The following PTCHD4 variants were observed in gnomAD, a reference collection of about 807,000 sequenced individuals.
The protein encoded by PTCHD4 is patched domain containing 4.
Under a neutral mutation model 58.1 loss-of-function variants are expected in PTCHD4, and 33 were observed. The ratio of observed to expected loss-of-function variants is 0.57; its 90% CI spans 0.43 to 0.76. The LOEUF (loss-of-function observed/expected upper bound fraction) is 0.76. Among genes scored for constraint, PTCHD4 ranks in the 30% least tolerant of loss-of-function variants. The pLI, the probability that PTCHD4 is intolerant of heterozygous loss-of-function variation, is 0.00. For synonymous variants in PTCHD4, 478 were observed against 409.6 expected (o/e 1.17, Z -2.02); for missense variants, 1,058 against 1,027.1 (o/e 1.03, Z -0.41).
intron 3 of PTCHD4, among the ~76,000 whole-genome samples, chr6:48,060,744 G>A (rs1297962994): frequency 2.0e-5 from 3 of 152,172 alleles, no homozygotes. Flanking sequence ...CAAAGTGTTG[G>A]GATTGCAGGC....
At chr6:47,964,786 G>C (rs1283377320) in intron 4 of PTCHD4, among the ~76,000 whole-genome samples, 1 of 152,104 alleles carries the variant, frequency 6.6e-6, no homozygotes, top group Non-Finnish European at 1.5e-5. Flanking sequence ...CAGTGTATTT[G>C]CTTGCTTGAG....
chr6:48,102,025 A>G (rs953094068), intron 1 of PTCHD4, among the ~76,000 whole-genome samples: 3 of 152,198 alleles, frequency 2.0e-5, no homozygotes, highest in African/African-American at 7.2e-5. Flanking sequence ...CAAAACCACT[A>G]CAGCCTGCTG....
chr6:47,968,598 C>A (rs1767384030), intron 4 of PTCHD4, among the ~76,000 whole-genome samples: 1 of 152,146 alleles, frequency 6.6e-6, no homozygotes, highest in Non-Finnish European at 1.5e-5. Context: ...CACTCTCTAG[C>A]CTAATGAACT....
chr6:48,021,504 G>A (rs1347092631), intron 3 of PTCHD4, among the ~76,000 whole-genome samples: 1 of 151,918 alleles, frequency 6.6e-6, no homozygotes, highest in Non-Finnish European at 1.5e-5. Context: ...TCATACATTT[G>A]TTTTCTTTAA....
Position 48,064,798 on chromosome 6 carries a change from G to A in PTCHD4, c.417+3432C>T, listed in dbSNP as rs760230986. Among the ~76,000 whole-genome samples, 12 of 152,254 alleles carry A rather than the reference G, an allele frequency of 7.9e-5. No individual in the cohort carries two copies. The South Asian group carries it at 8.3e-4, about 11-fold the overall frequency. On this transcript the variant is annotated intron_variant, in intron 3 of 4. Coordinates refer to ENST00000339488, the MANE Select transcript of PTCHD4 (RefSeq NM_001384253.1). ...AGTGAATAGTACAGAAAGGATATACGATATGATTTGTGTGCCTAGTGAGAG... is the reference window on the plus strand; with the variant it reads ...AGTGAATAGTACAGAAAGGATATACAATATGATTTGTGTGCCTAGTGAGAG...
chr6:48,041,523 C>T (rs1321175032), intron 3 of PTCHD4, among the ~76,000 whole-genome samples: 1 of 152,024 alleles, frequency 6.6e-6, no homozygotes, highest in African/African-American at 2.4e-5. Context: ...TCTCACAGAA[C>T]TTCCATCATT....
At chr6:47,903,642 T>C (rs1411172516) in intron 4 of PTCHD4, among the ~76,000 whole-genome samples, 2 of 152,186 alleles carry the variant, frequency 1.3e-5, no homozygotes, top group Non-Finnish European at 2.9e-5. Flanking sequence ...ATTCAATATA[T>C]ATTTATTGAA....
In PTCHD4 at chr6:47,879,656, T is replaced by C. The variant is rs746027227; in HGVS notation, c.1179A>G (p.Leu393=). The change falls in exon 5 of 5, where the codon CTA becomes CTG. Residue 393 remains leucine (L), a synonymous_variant. Transcript: ENST00000339488. ...FGSCLVFAGQ[L]EQNRYHSIFC... ...AGATGCTGTGGTAGCGGTTTTGCTC[T>C]AGTTGGCCAGCAAAGACCAGACAGG... 1.2e-6 allele frequency: 2 copies of C among 1,613,614 alleles called. No homozygotes were observed. The highest frequency in any genetic ancestry group is 1.7e-6 in the Non-Finnish European group (2 of 1,179,722).
rs1378127365 is a variant in PTCHD4 at position 47,879,820 on chromosome 6, T to C, written c.1015A>G (p.Met339Val). ...GTGATGAAGTACAGGGAGCTGGTCATGGTATAGGTGACCATCACATCAGAA... is the reference window on the plus strand; with the variant it reads ...GTGATGAAGTACAGGGAGCTGGTCACGGTATAGGTGACCATCACATCAGAA... Reference protein sequence around the residue: ...AYSDVMVTYTMTSSLYFITFG... With the variant: ...AYSDVMVTYTVTSSLYFITFG... Residue 339 changes from methionine (M) to valine (V), a missense_variant, in exon 5 of 5, where the codon ATG (methionine) becomes GTG (valine). Met to Val is a conservative substitution (Grantham distance 21, BLOSUM62 1). Transcript: ENST00000339488. The C allele has an allele frequency of 7.4e-6, 12 of 1,613,370 alleles. No homozygotes were observed. The highest frequency in any genetic ancestry group is 9.3e-6 in the Non-Finnish European group (11 of 1,179,616).
At chr6:48,090,114 G>C (rs4142242) in intron 1 of PTCHD4, among the ~76,000 whole-genome samples, 148,585 of 152,336 alleles carry the variant, frequency 0.98, 72,481 homozygotes, top group East Asian at 1. Flanking sequence ...AGAATCTACA[G>C]TGTTATACAA....
At chr6:48,093,445 T>C (rs942436811) in intron 1 of PTCHD4, among the ~76,000 whole-genome samples, 10 of 152,090 alleles carry the variant, frequency 6.6e-5, no homozygotes, top group African/African-American at 2.4e-4. Context: ...CTGTTTTTTC[T>C]TTTTTTGCAA....
Position 47,877,434 on chromosome 6 carries a change from T to C in PTCHD4, c.*869A>G, listed in dbSNP as rs1351737814. Among the ~76,000 whole-genome samples the C allele has an allele frequency of 1.3e-5, 2 of 152,084 alleles. No individual in the cohort carries two copies. Among genetic ancestry groups the C allele is most frequent in the Non-Finnish European group, 2.9e-5 (2 of 67,990 alleles). ...AGCCAACGAAAATCCATATCAACTG[T>C]TTATTTCTAATATGAAACAGTAAAC... On this transcript the variant is annotated 3_prime_UTR_variant, in exon 5 of 5. Coordinates refer to ENST00000339488, the MANE Select transcript of PTCHD4 (RefSeq NM_001384253.1).
chr6:48,105,389 C>G (rs899979440), intron 1 of PTCHD4, among the ~76,000 whole-genome samples: 7 of 152,158 alleles, frequency 4.6e-5, no homozygotes, highest in Non-Finnish European at 1.0e-4. Context: ...TAAAGATGTT[C>G]TTTGAAACCA....
intron 4 of PTCHD4, among the ~76,000 whole-genome samples, chr6:47,955,509 T>A (rs10485047): frequency 6.6e-6 from 1 of 152,194 alleles, no homozygotes; most frequent in African/African-American, 2.4e-5. Context: ...CCAGAAATGA[T>A]TGACCATTAT....
chr6:47,869,126 T>C lies in PTCHD4; in HGVS notation c.*9177A>G, dbSNP rs1234498799. On this transcript the variant is annotated 3_prime_UTR_variant, in exon 5 of 5. Transcript: ENST00000339488. ...GACCTTACATATTTTGAATGTTGGT[T>C]ATCTATGCGTTATGTATAATGCCAC... 2.0e-5 allele frequency among the ~76,000 whole-genome samples: 3 copies of C among 151,732 alleles called. No homozygotes were observed. Among genetic ancestry groups the C allele is most frequent in the Non-Finnish European group, 4.4e-5 (3 of 67,768 alleles).
chr6:48,051,321 A>T (rs992275043), intron 3 of PTCHD4, among the ~76,000 whole-genome samples: 1 of 151,978 alleles, frequency 6.6e-6, no homozygotes, highest in Non-Finnish European at 1.5e-5. Flanking sequence ...CTTAGTCCTT[A>T]TTAAAAATGC....
chr6:48,080,716 G>A (rs1409402081), intron 1 of PTCHD4, among the ~76,000 whole-genome samples: 1 of 152,188 alleles, frequency 6.6e-6, no homozygotes, highest in Non-Finnish European at 1.5e-5. Context: ...ATGTCACTAA[G>A]GATAAGACAC....
At chr6:48,064,532 G>C (rs1303616124) in intron 3 of PTCHD4, among the ~76,000 whole-genome samples, 1 of 151,962 alleles carries the variant, frequency 6.6e-6, no homozygotes, top group Non-Finnish European at 1.5e-5. Flanking sequence ...GTATACAATA[G>C]TATGATGTGT....
At chr6:47,930,398 C>T (rs937117962) in intron 4 of PTCHD4, among the ~76,000 whole-genome samples, 1 of 152,028 alleles carries the variant, frequency 6.6e-6, no homozygotes, top group African/African-American at 2.4e-5. Context: ...AATATAAATT[C>T]CCAAAATAAA....
Sources: gnomAD v4.1 joint callset for allele counts (sites outside exome capture counted in the v4.1 genomes callset) on GRCh38, gnomAD v4.1.1 for gene constraint, MANE v1.5 for transcripts, NCBI Gene and HGNC (gene_info 2026-07-23, HGNC 2026-07-21) for gene names.